The following PARG variants were observed in gnomAD, a reference collection of about 807,000 sequenced individuals.
The protein encoded by PARG is mitochondrial poly(ADP-ribose) glycohydrolase.
Under a neutral mutation model 113.0 loss-of-function variants are expected in PARG, and 35 were observed. That is an observed-to-expected ratio of 0.31 (90% CI 0.24 to 0.41). PARG has a LOEUF of 0.41. Among genes scored for constraint, PARG ranks in the 10% least tolerant of loss-of-function variants. The pLI, the probability that PARG is intolerant of heterozygous loss-of-function variation, is 1.00. For missense variants in PARG, 797 were observed against 1,169.4 expected (o/e 0.68, Z 4.64); for synonymous variants, 330 against 409.9 (o/e 0.81, Z 2.36).
intron 11 of PARG, among the ~76,000 whole-genome samples, chr10:49,863,805 ATGAAT>A (rs1326407221): frequency 1.3e-5 from 2 of 152,018 alleles, no homozygotes; most frequent in Non-Finnish European, 2.9e-5. Context: ...AGAGGGCCCA[ATGAAT>A]GGGAGTATGT....
intron 7 of PARG, among the ~76,000 whole-genome samples, chr10:49,893,819 G>A (rs1218369061): frequency 4.6e-5 from 7 of 151,622 alleles, no homozygotes; most frequent in Admixed American, 6.6e-5. Flanking sequence ...TCAGGCTCCC[G>A]AGCAGCTGTG....
chr10:49,883,899 G>C (rs1171000532), intron 8 of PARG, among the ~76,000 whole-genome samples: 5 of 149,938 alleles, frequency 3.3e-5, no homozygotes, highest in African/African-American at 1.2e-4. Flanking sequence ...AGTGATGCTA[G>C]GTACCTTGAG....
At chr10:49,819,763 T>C (rs1201028631) in intron 17 of PARG, among the ~76,000 whole-genome samples, 2 of 152,242 alleles carry the variant, frequency 1.3e-5, no homozygotes, top group African/African-American at 2.4e-5. Context: ...TGCACTGTCA[T>C]GGCAGCCCTC....
chr10:49,886,727 C>T (rs544848945), intron 7 of PARG, among the ~76,000 whole-genome samples: 4 of 152,030 alleles, frequency 2.6e-5, no homozygotes, highest in South Asian at 2.1e-4. Context: ...TGAGAAAATG[C>T]GGAGGTAGAA....
intron 7 of PARG, among the ~76,000 whole-genome samples, chr10:49,887,372 G>A (rs2941162): frequency 6.6e-6 from 1 of 151,976 alleles, no homozygotes; most frequent in Non-Finnish European, 1.5e-5. Flanking sequence ...TTTATCACAC[G>A]TACATTTCTG....
At chr10:49,843,736 G>A in intron 13 of PARG, 104 bp from the exon 14 acceptor site, 2 of 744,914 alleles carry the variant, frequency 2.7e-6, no homozygotes, top group Non-Finnish European at 4.7e-6. Flanking sequence ...TGTACTGAAG[G>A]TCTCTCCAGC....
intron 6 of PARG, among the ~76,000 whole-genome samples, chr10:49,920,559 T>TTAC (rs1837793793): frequency 7.0e-6 from 1 of 143,474 alleles, no homozygotes; most frequent in African/African-American, 2.5e-5. Flanking sequence ...TATACATATA[T>TTAC]ACGTATATAT....
rs1366589871 is a variant in PARG, at chr10:49,823,739, AAGAC to A, written c.2648-3450_2648-3447del. Reference sequence around the variant, plus strand: ...TAGCTTTAAGTATTTACTATTAAAAAAGACAGAGACCCAAAGAAGAGTCCTTTTC... The same window carrying A: ...TAGCTTTAAGTATTTACTATTAAAAAAGAGACCCAAAGAAGAGTCCTTTTC... On this transcript the variant is annotated intron_variant, in intron 16 of 17. Transcript: ENST00000616448. Among the ~76,000 whole-genome samples, 6 of 152,176 alleles carry A rather than the reference AAGAC, an allele frequency of 3.9e-5. No homozygotes were observed. The East Asian group carries it at 1.2e-3, about 29-fold the overall frequency.
At position 49,846,121 on chromosome 10, in the gene PARG, C is replaced by T. The variant is rs1224155992; in HGVS notation, c.2354-2489G>A. 2.7e-5 allele frequency among the ~76,000 whole-genome samples: 4 copies of T among 150,450 alleles called. No homozygotes were observed. The East Asian group carries it at 5.8e-4, about 22-fold the overall frequency. On this transcript the variant is annotated intron_variant, in intron 13 of 17. Transcript: ENST00000616448. ...TAAAAAATTAACAAAACATTTGCCA[C>T]GATCACACAAAGGAATACTCCTTAG...
intron 7 of PARG, among the ~76,000 whole-genome samples, chr10:49,909,093 G>A (rs1554845619): frequency 9.9e-5 from 15 of 152,024 alleles, no homozygotes; most frequent in Non-Finnish European, 7.4e-5. Context: ...CATGAGATAA[G>A]CTACTCATAA....
chr10:49,848,247 G>A (rs1845601917), intron 13 of PARG, among the ~76,000 whole-genome samples: 1 of 149,298 alleles, frequency 6.7e-6, no homozygotes, highest in Non-Finnish European at 1.5e-5. Context: ...TACTCAGGAG[G>A]CTGAGGCAGG....
intron 4 of PARG, among the ~76,000 whole-genome samples, chr10:49,925,839 A>T (rs1379181977): frequency 1.3e-5 from 2 of 152,256 alleles, no homozygotes; most frequent in Admixed American, 1.3e-4. Context: ...GAAATTGAAC[A>T]CTTGAACAAA....
chr10:49,880,180 T>C (rs1390704173), intron 8 of PARG, among the ~76,000 whole-genome samples: 2 of 152,176 alleles, frequency 1.3e-5, no homozygotes, highest in African/African-American at 4.8e-5. Context: ...ATATATAACA[T>C]TGTTTAAGCT....
At chr10:49,922,507 C>A (rs1554849571) in intron 5 of PARG, 40 bp downstream of exon 5, 2 of 1,610,034 alleles carry the variant, frequency 1.2e-6, no homozygotes, top group Non-Finnish European at 1.7e-6. Context: ...AGTACCAAAC[C>A]ATTTTTCAGA....
intron 15 of PARG, among the ~76,000 whole-genome samples, chr10:49,835,684 C>T (rs904439904): frequency 1.3e-5 from 2 of 151,928 alleles, no homozygotes; most frequent in Non-Finnish European, 2.9e-5. Context: ...TCTACAGGCC[C>T]AAAATGAGGC....
intron 5 of PARG, 36 bp from the exon 6 acceptor site, chr10:49,922,455 T>C: frequency 1.9e-6 from 3 of 1,609,920 alleles, no homozygotes; most frequent in East Asian, 4.5e-5. Flanking sequence ...AGGAAGCTAT[T>C]CTAAGTTGTT....
intron 7 of PARG, among the ~76,000 whole-genome samples, chr10:49,911,865 G>C (rs1428187241): frequency 4.6e-5 from 7 of 152,084 alleles, no homozygotes. Flanking sequence ...ATTAATCAAA[G>C]GAAGGTTTTA....
chr10:49,865,655 T>C (rs1366045358), intron 10 of PARG, among the ~76,000 whole-genome samples: 2 of 146,684 alleles, frequency 1.4e-5, no homozygotes, highest in Admixed American at 1.4e-4. Flanking sequence ...AGCACAACAG[T>C]AGGATTTGAG....
intron 16 of PARG, among the ~76,000 whole-genome samples, chr10:49,821,222 TG>T (rs1844060024): frequency 6.6e-6 from 1 of 152,176 alleles, no homozygotes; most frequent in African/African-American, 2.4e-5. Flanking sequence ...TCACTGAGCC[TG>T]AAGTATGTTT....
Sources: allele counts gnomAD v4.1 joint callset (sites outside exome capture counted in the v4.1 genomes callset), GRCh38; gene constraint gnomAD v4.1.1; transcripts MANE v1.5; gene names NCBI Gene and HGNC (gene_info 2026-07-23, HGNC 2026-07-21).